EPHX4: variants seen among roughly 807,000 people sequenced by gnomAD.
EPHX4 encodes abhydrolase domain containing 7.
EPHX4 carries 31 observed loss-of-function variants against 44.9 expected under a neutral mutation model. The ratio of observed to expected loss-of-function variants is 0.69; its 90% confidence interval spans 0.52 to 0.93. EPHX4 has a LOEUF of 0.93. Ranked by LOEUF, EPHX4 falls within the 40% of genes least tolerant of loss-of-function variation. The pLI, the probability that EPHX4 is intolerant of heterozygous loss-of-function variation, is 0.00. For missense variants in EPHX4, 373 were observed against 438.1 expected, an observed-to-expected ratio of 0.85 and a Z score of 1.33; for synonymous variants, 151 against 159.7, an observed-to-expected ratio of 0.95 and a Z score of 0.41.
chr1:92,063,238 C>A lies in EPHX4; in HGVS notation c.1041C>A (p.Asn347Lys). 6.2e-7 allele frequency: 1 copy of A among 1,612,128 alleles called. No homozygotes were observed. The highest frequency in any genetic ancestry group is 8.5e-7 in the Non-Finnish European group (1 of 1,178,684). The part of the protein sequence containing the change: ...WLQQDQPDIV[N>K]KLIWTFLKEE... ...AGCAAGACCAACCTGACATAGTGAACAAATTGATATGGACATTTCTAAAAG... is the reference window on the plus strand; with the variant it reads ...AGCAAGACCAACCTGACATAGTGAAAAAATTGATATGGACATTTCTAAAAG... Residue 347 changes from asparagine to lysine, a missense_variant, in exon 7 of 7, where the codon AAC (asparagine) becomes AAA (lysine). Transcript: ENST00000370383.
Position 92,030,096 on chromosome 1 carries a change from A to C in EPHX4, c.17A>C (p.Asp6Ala). 6.2e-7 allele frequency: 1 copy of C among 1,601,958 alleles called. No individual in the cohort carries two copies. Among genetic ancestry groups the C allele is most frequent in the Non-Finnish European group, 8.5e-7 (1 of 1,175,540 alleles). MARLR[D>A]CLPRLMLTLR... ...CGCCTCCCAATGGCGAGGCTGCGGG[A>C]TTGCCTGCCCCGCCTGATGCTCACG... The change falls in exon 1 of 7, where the codon GAT (aspartate) becomes GCT (alanine). Residue 6 changes from aspartate to alanine, a missense_variant. Asp to Ala is a moderately radical substitution (Grantham distance 126). Transcript: ENST00000370383.
At chr1:92,030,483 T>TGTGTGTGTGTGTGAGA (rs745435867) in intron 1 of EPHX4, among the ~76,000 whole-genome samples, 173 bp downstream of exon 1, 1 of 138,658 alleles carries the variant, frequency 7.2e-6, no homozygotes, top group Non-Finnish European at 1.6e-5. Context: ...TGTGTGTGTG[T>TGTGTGTGTGTGTGAGA]GTGAGAGAGA....
chr1:92,042,180 T>C (rs7515737), intron 2 of EPHX4, among the ~76,000 whole-genome samples: 78,306 of 151,510 alleles, frequency 0.52, 20,857 homozygotes, highest in African/African-American at 0.67. Flanking sequence ...GGCAACATAG[T>C]GAGACCCTGT....
At chr1:92,035,238 G>A (rs903673204) in intron 2 of EPHX4, among the ~76,000 whole-genome samples, 4 of 152,156 alleles carry the variant, frequency 2.6e-5, no homozygotes, top group Non-Finnish European at 5.9e-5. Context: ...GCTGCCCAGT[G>A]CAATTCGAGC....
chr1:92,045,212 C>G (rs1323798574), intron 3 of EPHX4, among the ~76,000 whole-genome samples: 2 of 152,012 alleles, frequency 1.3e-5, no homozygotes, highest in Admixed American at 1.3e-4. Context: ...TCTCGAACTC[C>G]TGGCCTCAAG....
intron 2 of EPHX4, among the ~76,000 whole-genome samples, chr1:92,041,283 G>A (rs2101868767): frequency 6.6e-6 from 1 of 152,202 alleles, no homozygotes; most frequent in African/African-American, 2.4e-5. Context: ...CATGGTTCAG[G>A]ATCTTCTCCA....
intron 2 of EPHX4, among the ~76,000 whole-genome samples, chr1:92,040,232 G>A (rs375604993): frequency 1.4e-5 from 2 of 141,144 alleles, no homozygotes; most frequent in South Asian, 4.5e-4. Context: ...CTGGAGTGCA[G>A]TGGCGCGATC....
intron 2 of EPHX4, among the ~76,000 whole-genome samples, chr1:92,038,530 A>G (rs1359674839): frequency 1.3e-5 from 2 of 152,208 alleles, no homozygotes; most frequent in Non-Finnish European, 2.9e-5. Flanking sequence ...TAGACGACCC[A>G]GGAAACGATC....
At chr1:92,050,256 C>A in intron 4 of EPHX4, 61 bp from the exon 5 acceptor site, 1 of 1,047,258 alleles carries the variant, frequency 9.5e-7, no homozygotes. Context: ...AAAAGAAGTT[C>A]TTCTAACAGT....
At chr1:92,036,813 T>C (rs1436871684) in intron 2 of EPHX4, among the ~76,000 whole-genome samples, 2 of 152,178 alleles carry the variant, frequency 1.3e-5, no homozygotes, top group Admixed American at 1.3e-4. Context: ...TACATGGAGA[T>C]TGTTGGTAAT....
intron 2 of EPHX4, among the ~76,000 whole-genome samples, chr1:92,034,480 T>C (rs1048221795): frequency 2.6e-5 from 4 of 152,096 alleles, no homozygotes; most frequent in African/African-American, 9.7e-5. Context: ...TTGAAAGGTC[T>C]AGGACAATAT....
chr1:92,038,229 A>G lies in EPHX4; in HGVS notation c.318-4594A>G, dbSNP rs139446917. ...TCCAATTCTAAATGTAAAATGTTGC[A>G]GGATTATATAAAGTCAAATTTCTAC... is the stretch of plus-strand genomic sequence containing the variant. On this transcript the variant is annotated intron_variant, in intron 2 of 6. Coordinates refer to ENST00000370383, the MANE Select transcript of EPHX4 (RefSeq NM_173567.5). 6.2e-3 allele frequency among the ~76,000 whole-genome samples: 946 copies of G among 152,356 alleles called. 6 individuals carry two copies. Among genetic ancestry groups the G allele is most frequent in the African/African-American group, 0.022 (907 of 41,578 alleles).
chr1:92,042,169 G>A (rs1007950219), intron 2 of EPHX4, among the ~76,000 whole-genome samples: 2 of 151,346 alleles, frequency 1.3e-5, no homozygotes, highest in Non-Finnish European at 2.9e-5. Flanking sequence ...AGACCAGCCT[G>A]GGCAACATAG....
chr1:92,034,172 C>T (rs1475393048), intron 2 of EPHX4, among the ~76,000 whole-genome samples: 2 of 149,536 alleles, frequency 1.3e-5, no homozygotes, highest in Admixed American at 1.3e-4. Context: ...TGGTGGCAGG[C>T]GCCTGTACTC....
At position 92,045,512 on chromosome 1, in the gene EPHX4, C is replaced by T. The variant is rs768012797; in HGVS notation, c.476-20C>T. On this transcript the variant is annotated intron_variant, in intron 3 of 6. Coordinates refer to ENST00000370383, the MANE Select transcript of EPHX4 (RefSeq NM_173567.5). ...ACCTGTTTCTTTTTAATGATGTCAA[C>T]ATTTATTTCTTGTTTACAGGGTATA... 1.2e-6 allele frequency: 2 copies of T among 1,612,440 alleles called. No homozygotes were observed. The highest frequency in any genetic ancestry group is 2.2e-5 in the South Asian group (2 of 90,578).
chr1:92,030,062 C>T lies in EPHX4; in HGVS notation c.-18C>T. 1 of 1,555,652 alleles carries T rather than the reference C, an allele frequency of 6.4e-7. No homozygotes were observed. The highest frequency in any genetic ancestry group is 8.7e-7 in the Non-Finnish European group (1 of 1,153,754). Reference sequence around the variant, plus strand: ...CCCGCTCCCGAGGAAGGGCAGTGGGCCCCGCCGCCGCCTCCCAATGGCGAG... The same window carrying T: ...CCCGCTCCCGAGGAAGGGCAGTGGGTCCCGCCGCCGCCTCCCAATGGCGAG... On this transcript the variant is annotated 5_prime_UTR_variant, in exon 1 of 7. Transcript: ENST00000370383.
chr1:92,055,277 A>G (rs904879342), intron 6 of EPHX4, among the ~76,000 whole-genome samples: 2 of 152,198 alleles, frequency 1.3e-5, no homozygotes, highest in South Asian at 2.1e-4. Flanking sequence ...AAAAGAATCC[A>G]TCTATATGGT....
intron 6 of EPHX4, among the ~76,000 whole-genome samples, chr1:92,059,520 A>C (rs1489912281): frequency 6.6e-6 from 1 of 152,216 alleles, no homozygotes; most frequent in East Asian, 1.9e-4. Flanking sequence ...ATAAGGGAAA[A>C]AAAGTGAGAA....
chr1:92,030,835 A>T (rs973120784), intron 1 of EPHX4, among the ~76,000 whole-genome samples: 1 of 152,152 alleles, frequency 6.6e-6, no homozygotes, highest in Non-Finnish European at 1.5e-5. Flanking sequence ...GGTTGCATGA[A>T]ACAATAAGTA....
Sources: gnomAD v4.1 joint callset for allele counts (sites outside exome capture counted in the v4.1 genomes callset) on GRCh38, gnomAD v4.1.1 for gene constraint, MANE v1.5 for transcripts, NCBI Gene and HGNC (gene_info 2026-07-23, HGNC 2026-07-21) for gene names.